Variants in HEATR4 observed in about 807,000 individuals in gnomAD.
HEATR4 encodes the protein HEAT repeat containing 4.
In HEATR4, 95 loss-of-function variants were observed where a neutral mutation model predicts 108.8. The ratio of observed to expected loss-of-function variants is 0.87; its 90% CI spans 0.74 to 1.04. HEATR4 has a LOEUF of 1.04. HEATR4 is among the 50% of genes least tolerant of loss of function. HEATR4 has a pLI of 0.00. For missense variants in HEATR4, 1,152 were observed against 1,253.8 expected (o/e 0.92, Z 1.23); for synonymous variants, 443 against 459.4 (o/e 0.96, Z 0.46).
At chr14:73,565,856 G>C in the HEATR4 span, among the ~76,000 whole-genome samples, 1 of 152,080 alleles carries the variant, frequency 6.6e-6, no homozygotes, top group African/African-American at 2.4e-5. Context: ...AGTTTCCACA[G>C]TGTGGAAGGG....
chr14:73,613,945 T>G, the HEATR4 span, among the ~76,000 whole-genome samples: 9 of 148,462 alleles, frequency 6.1e-5, no homozygotes, highest in African/African-American at 2.2e-4. Context: ...ATCCCAGCAC[T>G]TTGGGAGGCT....
At chr14:73,567,670 T>G in the HEATR4 span, 1 of 152,096 alleles carries the variant, frequency 6.6e-6, no homozygotes, top group African/African-American at 2.4e-5. Context: ...TCTTTTGTAC[T>G]TCACAATAAA....
At chr14:73,524,304 A>T (rs1454904671) in intron 2 of HEATR4, among the ~76,000 whole-genome samples, 18 of 93,770 alleles carry the variant, frequency 1.9e-4, no homozygotes, top group Middle Eastern at 6.0e-3. Flanking sequence ...AAAAAAAAAA[A>T]AAAAAAATAT....
At chr14:73,560,773 C>T (rs147820976), upstream of HEATR4, among the ~76,000 whole-genome samples, 632 of 152,002 alleles carry the variant, frequency 4.2e-3, 11 homozygotes, top group African/African-American at 0.015. Context: ...GCTATGATGG[C>T]ACTACTGCAC....
At chr14:73,586,774 G>T in the HEATR4 span, among the ~76,000 whole-genome samples, 1 of 151,448 alleles carries the variant, frequency 6.6e-6, no homozygotes, top group Non-Finnish European at 1.5e-5. Context: ...GCATTGGTGT[G>T]ATCATAGCTC....
At chr14:73,500,015 G>T (rs1886341930) in intron 12 of HEATR4, among the ~76,000 whole-genome samples, 1 of 152,230 alleles carries the variant, frequency 6.6e-6, no homozygotes, top group Admixed American at 6.5e-5. Context: ...GGATCACGAA[G>T]TCAGGACATC....
At chr14:73,628,295 T>C in the HEATR4 span, among the ~76,000 whole-genome samples, 1 of 143,508 alleles carries the variant, frequency 7.0e-6, no homozygotes, top group Non-Finnish European at 1.5e-5. Flanking sequence ...CAATATCACA[T>C]AGTCATTTTT....
intron 14 of HEATR4, among the ~76,000 whole-genome samples, chr14:73,497,905 C>T (rs1270364142): frequency 3.3e-5 from 5 of 152,118 alleles, no homozygotes; most frequent in East Asian, 1.9e-4. Context: ...GGATTACAGG[C>T]GTGAGTCATC....
chr14:73,506,804 G>GTTTGTTT (rs1886864671), intron 9 of HEATR4, among the ~76,000 whole-genome samples: 4 of 80,522 alleles, frequency 5.0e-5, no homozygotes, highest in Non-Finnish European at 9.0e-5. Context: ...GACTTTAACT[G>GTTTGTTT]TTTTTTTTTT....
the HEATR4 span, among the ~76,000 whole-genome samples, chr14:73,568,614 A>C: frequency 6.6e-6 from 1 of 152,008 alleles, no homozygotes; most frequent in African/African-American, 2.4e-5. Context: ...TTGAGAAACC[A>C]GTAAAACAAA....
chr14:73,526,555 C>T (rs1208217239), intron 2 of HEATR4, among the ~76,000 whole-genome samples: 3 of 151,964 alleles, frequency 2.0e-5, no homozygotes, highest in South Asian at 2.1e-4. Flanking sequence ...GGGAAGAGTA[C>T]TCAAGTTGCA....
At chr14:73,583,824 A>G in the HEATR4 span, among the ~76,000 whole-genome samples, 1 of 151,650 alleles carries the variant, frequency 6.6e-6, no homozygotes, top group East Asian at 1.9e-4. Flanking sequence ...ACATGGTGAA[A>G]CCCCGTCTCT....
the HEATR4 span, among the ~76,000 whole-genome samples, chr14:73,600,909 C>T: frequency 6.6e-6 from 1 of 151,928 alleles, no homozygotes; most frequent in Non-Finnish European, 1.5e-5. Context: ...GAGGCCAAGG[C>T]GGGCGGATCA....
chr14:73,621,906 G>C, the HEATR4 span, among the ~76,000 whole-genome samples: 1 of 151,546 alleles, frequency 6.6e-6, no homozygotes, highest in Non-Finnish European at 1.5e-5. Flanking sequence ...TGGGACTACA[G>C]GCATGCACCA....
At chr14:73,481,392 T>C (rs1263890228) in intron 17 of HEATR4, among the ~76,000 whole-genome samples, 2 of 151,852 alleles carry the variant, frequency 1.3e-5, no homozygotes, top group Non-Finnish European at 2.9e-5. Context: ...TGAGGTGAGA[T>C]GGTGCCACTG....
chr14:73,615,403 AAAAAC>A, the HEATR4 span, among the ~76,000 whole-genome samples: 2 of 82,202 alleles, frequency 2.4e-5, no homozygotes, highest in Non-Finnish European at 5.8e-5. Flanking sequence ...AAAAAAAAAA[AAAAAC>A]AAAAAACAAA....
the HEATR4 span, chr14:73,619,932 T>C: frequency 3.6e-6 from 5 of 1,381,814 alleles, no homozygotes; most frequent in East Asian, 4.8e-5. Context: ...TTTTTTTTTT[T>C]TTCCTGTATC....
chr14:73,507,611 T>C (rs12881386), intron 9 of HEATR4, among the ~76,000 whole-genome samples: 1,960 of 152,046 alleles, frequency 0.013, 18 homozygotes, highest in Middle Eastern at 0.02. Flanking sequence ...TTTTATTTCT[T>C]TTTTTGTAGA....
intron 3 of HEATR4, 21 bp downstream of exon 3, chr14:73,522,251 T>C: frequency 6.2e-7 from 1 of 1,604,668 alleles, no homozygotes; most frequent in Non-Finnish European, 8.5e-7. Flanking sequence ...AAAGGTGCAC[T>C]TGAGGCCCTG....
Sources: gnomAD v4.1 joint callset for allele counts (sites outside exome capture counted in the v4.1 genomes callset) on GRCh38, gnomAD v4.1.1 for gene constraint, MANE v1.5 for transcripts, NCBI Gene and HGNC (gene_info 2026-07-23, HGNC 2026-07-21) for gene names.